Variants in ZNF529 observed in about 807,000 individuals in gnomAD.
ZNF529 encodes the protein zinc finger protein 529.
ZNF529 carries 11 observed loss-of-function variants against 10.1 expected under a neutral mutation model. The ratio of observed to expected loss-of-function variants is 1.09; its 90% confidence interval spans 0.69 to 1.81. The LOEUF (loss-of-function observed/expected upper bound fraction) is 1.81, where lower values mean the gene tolerates loss of function less well. ZNF529 is among the 40% of genes most tolerant of loss of function. The pLI is 0.00. For missense variants in ZNF529, 624 were observed against 666.8 expected (o/e 0.94, Z 0.71); for synonymous variants, 204 against 215.7 (o/e 0.95, Z 0.47).
intron 1 of ZNF529, among the ~76,000 whole-genome samples, chr19:36,593,167 T>TA (rs374711614): frequency 6.6e-6 from 1 of 152,206 alleles, no homozygotes; most frequent in African/African-American, 2.4e-5. Flanking sequence ...TTAAAAATCC[T>TA]AAAGAGTAGA....
chr19:36,554,601 T>C, intron 4 of ZNF529, 69 bp downstream of exon 4: 1 of 1,310,282 alleles, frequency 7.6e-7, no homozygotes. Flanking sequence ...AACATAGCCT[T>C]GAGTTCACTG....
At chr19:36,578,213 C>T (rs796205547), upstream of ZNF529, among the ~76,000 whole-genome samples, 11 of 148,578 alleles carry the variant, frequency 7.4e-5, no homozygotes, top group East Asian at 4.0e-4. Flanking sequence ...TACAGGCCTG[C>T]GCCACCGCAC....
chr19:36,554,386 G>C (rs2035378102), intron 4 of ZNF529, among the ~76,000 whole-genome samples: 2 of 152,132 alleles, frequency 1.3e-5, no homozygotes, highest in Non-Finnish European at 2.9e-5. Context: ...AGACCAGCCT[G>C]GCCAACATGG....
At chr19:36,568,839 G>A (rs959286619) in intron 2 of ZNF529, among the ~76,000 whole-genome samples, 2 of 152,086 alleles carry the variant, frequency 1.3e-5, no homozygotes, top group Non-Finnish European at 2.9e-5. Flanking sequence ...GGACAGTGGT[G>A]GGCACTGTGG....
intron 2 of ZNF529, among the ~76,000 whole-genome samples, chr19:36,561,641 C>T (rs921871011): frequency 1.3e-5 from 2 of 152,170 alleles, no homozygotes; most frequent in African/African-American, 4.8e-5. Context: ...GGCTGTGCCA[C>T]TCCCCAAACC....
At position 36,547,065 on chromosome 19, in the gene ZNF529, C is replaced by A; in HGVS notation, c.1493G>T (p.Arg498Ile). ...RHSSALTEHQ[R>I]IHTGEKPYEC... The stretch of plus-strand genomic sequence containing the variant: ...ATAGGGTTTTTCTCCAGTATGAATT[C>A]TCTGATGTTCTGTAAGGGCTGAACT... Residue 498 changes from arginine to isoleucine, a missense_variant, in exon 5 of 5, where the codon AGA becomes ATA. By Grantham distance (97) the Arg-to-Ile change is moderately conservative (BLOSUM62 -3). Transcript: ENST00000591340. 4 of 1,614,020 alleles carry A rather than the reference C, an allele frequency of 2.5e-6. No homozygotes were observed. The highest frequency in any genetic ancestry group is 3.4e-6 in the Non-Finnish European group (4 of 1,179,966).
rs2035004026 is a variant in ZNF529 at position 36,546,072 on chromosome 19, T to C, written c.*794A>G. ...GTGTGTGTGTGTGTGTATATATATA[T>C]ATATATATAGTGTGTTATGTAGTGC... is the stretch of plus-strand genomic sequence containing the variant. On this transcript the variant is annotated 3_prime_UTR_variant, in exon 5 of 5. Transcript: ENST00000591340. 1.3e-5 allele frequency: 2 copies of C among 149,338 alleles called. No individual in the cohort carries two copies. The highest frequency in any genetic ancestry group is 3.6e-3 in the Middle Eastern group (1 of 278). The allele number at this position is 149,338 out of a possible 1,614,324, so 9.3% of individuals were successfully genotyped here. A position where few individuals can be genotyped will look rare whatever the true frequency, so the allele number is the denominator to read the frequency against.
chr19:36,561,328 TG>T (rs2035684793), intron 2 of ZNF529, among the ~76,000 whole-genome samples: 1 of 152,008 alleles, frequency 6.6e-6, no homozygotes. Context: ...GTACTGATTT[TG>T]CAAGTGTGCA....
chr19:36,585,900 T>C (rs2036569665), intron 2 of ZNF529, among the ~76,000 whole-genome samples: 1 of 152,218 alleles, frequency 6.6e-6, no homozygotes, highest in Admixed American at 6.5e-5. Flanking sequence ...CTCTAAGCAA[T>C]GTCTTAACAT....
At chr19:36,574,059 G>C (rs1357698174), upstream of ZNF529, among the ~76,000 whole-genome samples, 5 of 152,242 alleles carry the variant, frequency 3.3e-5, no homozygotes, top group Non-Finnish European at 4.4e-5. Context: ...TAAAGTATTT[G>C]AAGAGACTTA....
chr19:36,587,438 G>A (rs1289465142), intron 2 of ZNF529: 3 of 152,190 alleles, frequency 2.0e-5, no homozygotes, highest in Non-Finnish European at 4.4e-5. Flanking sequence ...CAGTTGCTGT[G>A]AAAATCAATC....
intron 2 of ZNF529, among the ~76,000 whole-genome samples, chr19:36,559,053 G>A (rs899258406): frequency 2.0e-5 from 3 of 151,778 alleles, no homozygotes; most frequent in Non-Finnish European, 4.4e-5. Context: ...TAAACATCAG[G>A]GAAATGCAAA....
intron 1 of ZNF529, among the ~76,000 whole-genome samples, chr19:36,602,438 C>T (rs903243628): frequency 7.3e-6 from 1 of 137,244 alleles, no homozygotes; most frequent in Non-Finnish European, 1.6e-5. Context: ...TGAAATATTA[C>T]TCTCCTTTTT....
upstream of ZNF529, among the ~76,000 whole-genome samples, chr19:36,573,773 C>CT (rs559034760): frequency 8.9e-4 from 135 of 152,294 alleles, 1 homozygote; most frequent in African/African-American, 3.1e-3. Flanking sequence ...GAGGGCCGGG[C>CT]TGGGAAGGCC....
intron 1 of ZNF529, among the ~76,000 whole-genome samples, chr19:36,592,284 CAAAA>C (rs35717465): frequency 2.0e-5 from 1 of 49,850 alleles, no homozygotes; most frequent in African/African-American, 8.6e-5. Context: ...GACTTTGTCT[CAAAA>C]AAAAAAAAAA....
At chr19:36,560,913 G>A (rs1282576073) in intron 2 of ZNF529, among the ~76,000 whole-genome samples, 1 of 152,168 alleles carries the variant, frequency 6.6e-6, no homozygotes, top group African/African-American at 2.4e-5. Context: ...GCAAAATATA[G>A]AGATTTGAAA....
At position 36,546,761 on chromosome 19, in the gene ZNF529, G is replaced by C. The variant is rs2035037454; in HGVS notation, c.*105C>G. 1.3e-5 allele frequency: 16 copies of C among 1,241,338 alleles called. No homozygotes were observed. The highest frequency in any genetic ancestry group is 1.7e-5 in the Non-Finnish European group (15 of 900,480). The allele number at this position is 1,241,338 out of a possible 1,614,324, so 76.9% of individuals were successfully genotyped here. Reference sequence around the variant, plus strand: ...AGAATGACCATGAAGTCTAAAAACAGACTTTAAGAGAGGGAGATACTGAAT... The same window carrying C: ...AGAATGACCATGAAGTCTAAAAACACACTTTAAGAGAGGGAGATACTGAAT... On this transcript the variant is annotated 3_prime_UTR_variant, in exon 5 of 5. Coordinates refer to ENST00000591340, the MANE Select transcript of ZNF529 (RefSeq NM_020951.5).
chr19:36,554,231 C>T (rs770412825), intron 4 of ZNF529, among the ~76,000 whole-genome samples: 40 of 152,152 alleles, frequency 2.6e-4, no homozygotes, highest in Non-Finnish European at 5.4e-4. Flanking sequence ...ATGTCATTTG[C>T]AACACAACAA....
rs1323214460 is a variant in ZNF529, at chr19:36,547,113, A to T, written c.1445T>A (p.Val482Glu). The T allele has an allele frequency of 2.5e-6, 4 of 1,610,920 alleles. No homozygotes were observed. In the African/African-American group the frequency reaches 5.4e-5, roughly 22 times the overall value. Residue 482 changes from valine to glutamate, a missense_variant, in exon 5 of 5, where the codon GTA (valine) becomes GAA (glutamate). By Grantham distance (121) the Val-to-Glu change is moderately radical. Coordinates refer to ENST00000591340, the MANE Select transcript of ZNF529 (RefSeq NM_020951.5). ...ACTATGTCTAAAGGCCTTCCCACATACCTTACATTCATAAGGTTTCTCACC... is the reference window on the plus strand; with the variant it reads ...ACTATGTCTAAAGGCCTTCCCACATTCCTTACATTCATAAGGTTTCTCACC... ...HSGEKPYECK[V>E]CGKAFRHSSA... is the part of the protein sequence containing the mutation.
Sources: allele counts gnomAD v4.1 joint callset (sites outside exome capture counted in the v4.1 genomes callset), GRCh38; gene constraint gnomAD v4.1.1; transcripts MANE v1.5; gene names NCBI Gene and HGNC (gene_info 2026-07-23, HGNC 2026-07-21).